RHBDF2: variants seen among roughly 807,000 people sequenced by gnomAD.
The protein encoded by RHBDF2 is inactive rhomboid protein 2.
A neutral mutation model predicts 95.2 loss-of-function variants in RHBDF2; 38 were observed. That is an observed-to-expected ratio of 0.40 (90% CI 0.31 to 0.52). The LOEUF (loss-of-function observed/expected upper bound fraction) is 0.52, where lower values mean the gene tolerates loss of function less well. Ranked by LOEUF, RHBDF2 falls within the 20% of genes least tolerant of loss-of-function variation. The probability of loss-of-function intolerance (pLI) is 0.56; values close to 1 mark genes in which losing one functional copy is unlikely to be tolerated. For missense variants in RHBDF2, 863 were observed against 1,137.7 expected (o/e 0.76, Z 3.47); for synonymous variants, 442 against 462.0 (o/e 0.96, Z 0.55).
intron 2 of RHBDF2, among the ~76,000 whole-genome samples, chr17:76,484,757 C>T (rs1308919042): frequency 6.6e-6 from 1 of 152,192 alleles, no homozygotes; most frequent in Non-Finnish European, 1.5e-5. Flanking sequence ...CTTGCTTACC[C>T]CTGACCCAGC....
At chr17:76,493,984 C>T (rs566347684) in intron 1 of RHBDF2, among the ~76,000 whole-genome samples, 1 of 152,336 alleles carries the variant, frequency 6.6e-6, no homozygotes, top group African/African-American at 2.4e-5. Flanking sequence ...TCCTATCCGG[C>T]CCCAGGCTCT....
chr17:76,472,385 C>T (rs1397226793), intron 18 of RHBDF2: 22 of 585,160 alleles, frequency 3.8e-5, no homozygotes, highest in East Asian at 1.7e-4. Flanking sequence ...AGACTGCCGA[C>T]GGCGCACGGA....
intron 1 of RHBDF2, among the ~76,000 whole-genome samples, chr17:76,497,065 ATCT>A (rs1364856554): frequency 6.6e-6 from 1 of 152,100 alleles, no homozygotes; most frequent in Non-Finnish European, 1.5e-5. Context: ...CTGGCCCCAG[ATCT>A]TCTTATGACT....
intron 1 of RHBDF2, among the ~76,000 whole-genome samples, chr17:76,500,663 C>G (rs1406024587): frequency 6.6e-6 from 1 of 152,212 alleles, no homozygotes; most frequent in Non-Finnish European, 1.5e-5. Context: ...CCTTTGCGCC[C>G]TGGCGTGGGA....
chr17:76,484,346 T>C (rs998886432), intron 2 of RHBDF2, among the ~76,000 whole-genome samples: 1 of 152,116 alleles, frequency 6.6e-6, no homozygotes, highest in Admixed American at 6.6e-5. Flanking sequence ...AAGTTTTGTT[T>C]TTCCTCTCCT....
Position 76,476,360 on chromosome 17 carries a change from T to C in RHBDF2, c.1115+470A>G, listed in dbSNP as rs867012834. 5.8e-5 allele frequency: 9 copies of C among 155,534 alleles called. No homozygotes were observed. In the South Asian group the frequency reaches 1.6e-3, roughly 27 times the overall value. 9.6% of individuals were successfully genotyped at this position (155,534 alleles called of 1,614,324 possible). A position where few individuals can be genotyped will look rare whatever the true frequency, so the allele number is the denominator to read the frequency against. On this transcript the variant is annotated intron_variant, in intron 9 of 18. Coordinates refer to ENST00000675367, the MANE Select transcript of RHBDF2 (RefSeq NM_001005498.4). ...TTAAAGTAGAGGTAGGGTCTCACTA[T>C]GTTGCCCAGGCTGGTCTCAAACTCC...
Position 76,477,102 on chromosome 17 carries a change from T to A in RHBDF2, c.920+78A>T, listed in dbSNP as rs539523631. The A allele has an allele frequency of 9.3e-6, 15 of 1,610,550 alleles. No homozygotes were observed. In the Admixed American group the frequency reaches 2.4e-4, roughly 25 times the overall value. On this transcript the variant is annotated intron_variant, in intron 8 of 18. Coordinates refer to ENST00000675367, the MANE Select transcript of RHBDF2 (RefSeq NM_001005498.4). ...CCCCACCAGGGTGCTCAGAAGGGGCTTGGGGGCCAGGGTGAGGTCTGGGGA... is the reference window on the plus strand; with the variant it reads ...CCCCACCAGGGTGCTCAGAAGGGGCATGGGGGCCAGGGTGAGGTCTGGGGA...
At chr17:76,488,970 A>C (rs1039554782) in intron 1 of RHBDF2, among the ~76,000 whole-genome samples, 6 of 149,802 alleles carry the variant, frequency 4.0e-5, no homozygotes, top group African/African-American at 1.2e-4. Context: ...AAAACCAAAA[A>C]CAACAAAATA....
chr17:76,484,701 C>T (rs568958205), intron 2 of RHBDF2, among the ~76,000 whole-genome samples: 2 of 152,326 alleles, frequency 1.3e-5, no homozygotes, highest in Non-Finnish European at 1.5e-5. Context: ...AAAGTCCAAA[C>T]GTCTCACTGG....
At chr17:76,482,815 TC>T (rs1218908613) in intron 2 of RHBDF2, among the ~76,000 whole-genome samples, 2 of 151,658 alleles carry the variant, frequency 1.3e-5, no homozygotes, top group Non-Finnish European at 2.9e-5. Flanking sequence ...CTGGCACTTT[TC>T]TCCCCCATAG....
intron 1 of RHBDF2, among the ~76,000 whole-genome samples, chr17:76,498,416 G>T (rs1047216169): frequency 6.6e-6 from 1 of 152,258 alleles, no homozygotes; most frequent in East Asian, 1.9e-4. Context: ...TCTGAGGAGA[G>T]TGTGGAGGGG....
intron 9 of RHBDF2, 56 bp from the exon 10 acceptor site, chr17:76,475,197 C>CCGGCCA (rs2073732414): frequency 7.5e-7 from 1 of 1,339,940 alleles, no homozygotes; most frequent in African/African-American, 1.4e-5. Context: ...ACCCCCAGTC[C>CCGGCCA]CGGCCACAGG....
chr17:76,499,884 GC>G lies in RHBDF2; in HGVS notation c.-220+1468del, dbSNP rs576186866. 6.6e-3 allele frequency among the ~76,000 whole-genome samples: 998 copies of G among 152,064 alleles called. 11 individuals carry two copies. The highest frequency in any genetic ancestry group is 7.8e-3 in the Non-Finnish European group (528 of 67,930). ...ATTGCCCTGGGGTTAAGCACCCCAG[GC>G]CTGGGCTGCAAGGGGGTCCTCTGTT... On this transcript the variant is annotated intron_variant, in intron 1 of 18. Transcript: ENST00000675367.
intron 17 of RHBDF2, 67 bp from the exon 18 acceptor site, chr17:76,472,906 G>T (rs2073633973): frequency 1.0e-5 from 16 of 1,580,762 alleles, no homozygotes; most frequent in Non-Finnish European, 1.4e-5. Context: ...GCTTCGGCAG[G>T]TTGGGCCGGC....
At chr17:76,493,896 C>A (rs896164928) in intron 1 of RHBDF2, among the ~76,000 whole-genome samples, 11 of 152,256 alleles carry the variant, frequency 7.2e-5, no homozygotes, top group African/African-American at 2.2e-4. Flanking sequence ...GGGCTTGCCT[C>A]GAACTCAGTT....
At chr17:76,491,128 G>A (rs913188911) in intron 1 of RHBDF2, among the ~76,000 whole-genome samples, 4 of 152,100 alleles carry the variant, frequency 2.6e-5, no homozygotes, top group Non-Finnish European at 5.9e-5. Context: ...TGCTGGCTCC[G>A]TACCCACAGC....
intron 6 of RHBDF2, 58 bp from the exon 7 acceptor site, chr17:76,477,843 G>A: frequency 1.3e-6 from 2 of 1,586,964 alleles, no homozygotes; most frequent in Non-Finnish European, 1.7e-6. Context: ...TAGGCCCCCA[G>A]CCCCAACACC....
intron 6 of RHBDF2, 146 bp from the exon 7 acceptor site, chr17:76,477,931 A>G: frequency 8.4e-6 from 11 of 1,304,618 alleles, no homozygotes; most frequent in Non-Finnish European, 1.1e-5. Context: ...GAGATTCTGC[A>G]AGCTGAACGG....
chr17:76,474,834 T>C, intron 10 of RHBDF2, 30 bp from the exon 11 acceptor site: 2 of 1,605,876 alleles, frequency 1.2e-6, no homozygotes, highest in Non-Finnish European at 1.7e-6. Flanking sequence ...GAGGAGGGCG[T>C]CAGAACAGTG....
Sources: gnomAD v4.1 joint callset for allele counts (sites outside exome capture counted in the v4.1 genomes callset) on GRCh38, gnomAD v4.1.1 for gene constraint, MANE v1.5 for transcripts, NCBI Gene and HGNC (gene_info 2026-07-23, HGNC 2026-07-21) for gene names.